The following ZBTB10 variants were observed in gnomAD, a reference collection of about 807,000 sequenced individuals.
ZBTB10 encodes zinc finger and BTB domain-containing protein 10.
Under a neutral mutation model 76.4 loss-of-function variants are expected in ZBTB10, and 32 were observed. The ratio of observed to expected loss-of-function variants is 0.42; its 90% CI spans 0.32 to 0.56. The LOEUF (loss-of-function observed/expected upper bound fraction) is 0.56. ZBTB10 is among the 20% of genes least tolerant of loss of function. The pLI, the probability that ZBTB10 is intolerant of heterozygous loss-of-function variation, is 0.14. For synonymous variants in ZBTB10, 523 were observed against 432.9 expected (o/e 1.21, Z -2.58); for missense variants, 1,057 against 1,098.5 (o/e 0.96, Z 0.53).
At chr8:80,492,829 G>T (rs1163401461) in intron 1 of ZBTB10, among the ~76,000 whole-genome samples, 1 of 152,150 alleles carries the variant, frequency 6.6e-6, no homozygotes, top group Non-Finnish European at 1.5e-5. Context: ...GAAGAAGCTT[G>T]TACAACTGAT....
Position 80,487,050 on chromosome 8 carries a change from C to T in ZBTB10, c.240C>T (p.Ser80=). 5 of 1,517,502 alleles carry T rather than the reference C, an allele frequency of 3.3e-6. No homozygotes were observed. The highest frequency in any genetic ancestry group is 3.5e-6 in the Non-Finnish European group (4 of 1,139,556). 94.0% of individuals were successfully genotyped at this position (1,517,502 alleles called of 1,614,324 possible). A position where few individuals can be genotyped will look rare whatever the true frequency, so the allele number is the denominator to read the frequency against. ...EGLEPQDLEA[S]AGPAAGAAEE... ...TGGAGCCCCAAGACCTGGAGGCCTC[C>T]GCCGGGCCGGCCGCCGGCGCCGCCG... Residue 80 remains serine, a synonymous_variant, in exon 1 of 6, where the codon TCC becomes TCT. Transcript: ENST00000455036.
chr8:80,494,866 A>C (rs183249426), intron 1 of ZBTB10, among the ~76,000 whole-genome samples: 29 of 151,810 alleles, frequency 1.9e-4, no homozygotes, highest in African/African-American at 6.8e-4. Context: ...TTGAGGGTAC[A>C]ATAAGCCATG....
intron 1 of ZBTB10, among the ~76,000 whole-genome samples, chr8:80,494,065 C>T (rs1815719478): frequency 6.6e-6 from 1 of 152,098 alleles, no homozygotes; most frequent in South Asian, 2.1e-4. Flanking sequence ...TGTTTGTCTT[C>T]CTTCTATAAA....
chr8:80,516,351 C>T (rs1488835707), intron 3 of ZBTB10, among the ~76,000 whole-genome samples: 1 of 152,198 alleles, frequency 6.6e-6, no homozygotes, highest in Non-Finnish European at 1.5e-5. Flanking sequence ...TGCTAGATAA[C>T]ATTTATTCTA....
chr8:80,515,062 A>G (rs1265900665), intron 3 of ZBTB10, among the ~76,000 whole-genome samples: 2 of 152,204 alleles, frequency 1.3e-5, no homozygotes, highest in Non-Finnish European at 2.9e-5. Context: ...TAAAGAGGAC[A>G]TTTTGGGGCC....
intron 3 of ZBTB10, among the ~76,000 whole-genome samples, chr8:80,515,531 G>C (rs962849827): frequency 6.6e-6 from 1 of 152,080 alleles, no homozygotes; most frequent in Admixed American, 6.5e-5. Context: ...AGATTTTTTT[G>C]CTCGTACAGA....
At chr8:80,509,211 A>G (rs1023074714) in intron 2 of ZBTB10, among the ~76,000 whole-genome samples, 5 of 152,150 alleles carry the variant, frequency 3.3e-5, no homozygotes, top group Non-Finnish European at 5.9e-5. Flanking sequence ...TATGGGGGGG[A>G]AAAGCACCAA....
chr8:80,486,064 G>A (rs1438986223), upstream of ZBTB10: 10 of 894,104 alleles, frequency 1.1e-5, no homozygotes, highest in Admixed American at 5.5e-5. Context: ...CCCGCCCCCA[G>A]GCCGGAGGCG....
chr8:80,485,652 C>G (rs1474645403), upstream of ZBTB10: 3 of 724,620 alleles, frequency 4.1e-6, no homozygotes, highest in African/African-American at 3.7e-5. Flanking sequence ...GAGGTGCTGC[C>G]TCGCACAATG....
At chr8:80,488,680 T>G (rs1475429008) in intron 1 of ZBTB10, among the ~76,000 whole-genome samples, 4 of 152,250 alleles carry the variant, frequency 2.6e-5, no homozygotes, top group African/African-American at 4.8e-5. Flanking sequence ...ATTTCCAGTC[T>G]AAAGATAGTA....
In ZBTB10 at chr8:80,489,465, A is replaced by G. The variant is rs1025739123; in HGVS notation, c.972+1683A>G. On this transcript the variant is annotated intron_variant, in intron 1 of 5. Transcript: ENST00000455036. Reference sequence around the variant, plus strand: ...GGTTACTTAGAAAATTTTAAATGGGATGAATTTTCTTAATCGGCTGTGGAC... The same window carrying G: ...GGTTACTTAGAAAATTTTAAATGGGGTGAATTTTCTTAATCGGCTGTGGAC... Among the ~76,000 whole-genome samples, 7 of 152,186 alleles carry G rather than the reference A, an allele frequency of 4.6e-5. No homozygotes were observed. The South Asian group carries it at 1.5e-3, about 32-fold the overall frequency.
chr8:80,500,127 A>G lies in ZBTB10; in HGVS notation c.1606A>G (p.Ser536Gly), dbSNP rs757493447. The G allele has an allele frequency of 6.2e-7, 1 of 1,613,930 alleles. No individual in the cohort carries two copies. Among genetic ancestry groups the G allele is most frequent in the African/African-American group, 1.3e-5 (1 of 75,048 alleles). ...AATAGAAAACTACCAAATGAATGAC[A>G]GTAGTTGGGTCCAGGATGGATCTCC... Reference protein sequence around the residue: ...GQIENYQMNDSSWVQDGSPEM... With the variant: ...GQIENYQMNDGSWVQDGSPEM... Residue 536 changes from serine (S) to glycine (G), a missense_variant, in exon 2 of 6, where the codon AGT becomes GGT. Ser to Gly is a moderately conservative substitution (Grantham distance 56). Coordinates refer to ENST00000455036, the MANE Select transcript of ZBTB10 (RefSeq NM_001105539.3).
chr8:80,493,201 G>GCACA (rs1204381971), intron 1 of ZBTB10, among the ~76,000 whole-genome samples: 2 of 110,640 alleles, frequency 1.8e-5, no homozygotes, highest in African/African-American at 3.5e-5. Context: ...AAACGCGCGC[G>GCACA]CGCGCGCACA....
At chr8:80,507,882 G>A (rs924676917) in intron 2 of ZBTB10, among the ~76,000 whole-genome samples, 5 of 152,156 alleles carry the variant, frequency 3.3e-5, no homozygotes, top group African/African-American at 4.8e-5. Context: ...TTGCAGGCAT[G>A]AGCCACTGTA....
rs370560742 is a variant in ZBTB10, at chr8:80,519,324, T to C, written c.2412T>C (p.Val804=). 5.6e-6 allele frequency: 9 copies of C among 1,613,616 alleles called. No individual in the cohort carries two copies. Among genetic ancestry groups the C allele is most frequent in the African/African-American group, 1.3e-5 (1 of 74,908 alleles). The change falls in exon 6 of 6, where the codon GTT becomes GTC. Residue 804 remains valine (V), a synonymous_variant. Coordinates refer to ENST00000455036, the MANE Select transcript of ZBTB10 (RefSeq NM_001105539.3). The part of the protein sequence containing the change: ...GIRHGSRRYG[V]CVDCADKSQP... The stretch of plus-strand genomic sequence containing the variant: ...GACATGGATCTCGACGTTATGGTGT[T>C]TGTGTAGACTGTGCAGATAAATCAC...
At chr8:80,511,269 T>C (rs1473816819) in intron 2 of ZBTB10, among the ~76,000 whole-genome samples, 1 of 152,200 alleles carries the variant, frequency 6.6e-6, no homozygotes, top group Non-Finnish European at 1.5e-5. Context: ...AATTCTAATA[T>C]AATACTTTAG....
At chr8:80,505,953 G>C (rs1319244075) in intron 2 of ZBTB10, among the ~76,000 whole-genome samples, 2 of 141,700 alleles carry the variant, frequency 1.4e-5, no homozygotes, top group African/African-American at 5.3e-5. Flanking sequence ...TAAAGGTGAA[G>C]TCTCGCTTTG....
chr8:80,508,583 G>A (rs1302268089), intron 2 of ZBTB10, among the ~76,000 whole-genome samples: 2 of 152,154 alleles, frequency 1.3e-5, no homozygotes, highest in Non-Finnish European at 2.9e-5. Context: ...ATGCATGACG[G>A]GGTGCAGTGG....
Position 80,487,191 on chromosome 8 carries a change from C to T in ZBTB10, c.381C>T (p.Gly127=). Residue 127 remains glycine, a synonymous_variant, in exon 1 of 6, where the codon GGC becomes GGT. Coordinates refer to ENST00000455036, the MANE Select transcript of ZBTB10 (RefSeq NM_001105539.3). ...ERNRRTLAFR[G]GGGGGLGNNG... is the part of the protein sequence containing the mutation. Reference sequence around the variant, plus strand: ...ACCGTCGGACTCTGGCCTTCCGAGGCGGCGGCGGCGGGGGTCTCGGCAACA... The same window carrying T: ...ACCGTCGGACTCTGGCCTTCCGAGGTGGCGGCGGCGGGGGTCTCGGCAACA... 6.6e-7 allele frequency: 1 copy of T among 1,506,346 alleles called. No individual in the cohort carries two copies. Among genetic ancestry groups the T allele is most frequent in the Non-Finnish European group, 8.9e-7 (1 of 1,128,140 alleles). The allele number at this position is 1,506,346 out of a possible 1,614,324, so 93.3% of individuals were successfully genotyped here.
Sources: allele counts gnomAD v4.1 joint callset (sites outside exome capture counted in the v4.1 genomes callset), GRCh38; gene constraint gnomAD v4.1.1; transcripts MANE v1.5; gene names NCBI Gene and HGNC (gene_info 2026-07-23, HGNC 2026-07-21).